CFAP299: variants seen among roughly 807,000 people sequenced by gnomAD.
The protein encoded by CFAP299 is cilia- and flagella-associated protein 299.
In CFAP299, 21 loss-of-function variants were observed where a neutral mutation model predicts 27.0. That is an observed-to-expected ratio of 0.78 (90% CI 0.55 to 1.12). CFAP299 has a LOEUF of 1.12. Among genes scored for constraint, CFAP299 ranks in the 50% most tolerant of loss-of-function variants. The pLI is 0.00. For synonymous variants in CFAP299, 104 were observed against 98.1 expected (o/e 1.06, Z -0.36); for missense variants, 310 against 276.6 (o/e 1.12, Z -0.86).
intron 3 of CFAP299, among the ~76,000 whole-genome samples, chr4:80,868,372 T>C: frequency 6.6e-6 from 1 of 152,196 alleles, no homozygotes; most frequent in East Asian, 1.9e-4. Context: ...CTGAAGATGT[T>C]TATATTTTGC....
At chr4:80,487,846 A>G (rs1178068176) in intron 2 of CFAP299, among the ~76,000 whole-genome samples, 1 of 152,214 alleles carries the variant, frequency 6.6e-6, no homozygotes, top group Non-Finnish European at 1.5e-5. Context: ...TCATGATTCA[A>G]TACTTCTCTC....
chr4:80,911,147 T>C lies in CFAP299; in HGVS notation c.477-33663T>C, dbSNP rs56321150. On this transcript the variant is annotated intron_variant, in intron 4 of 5. Coordinates refer to ENST00000358105, the MANE Select transcript of CFAP299 (RefSeq NM_152770.3). ...AATAAAATAAAACATAAGTTGTTTGTTCCTTTCTATGTTCCTATGTCCCTG... is the reference window on the plus strand; with the variant it reads ...AATAAAATAAAACATAAGTTGTTTGCTCCTTTCTATGTTCCTATGTCCCTG... 3.6e-3 allele frequency among the ~76,000 whole-genome samples: 543 copies of C among 151,862 alleles called. 2 individuals carry two copies. Among genetic ancestry groups the C allele is most frequent in the African/African-American group, 0.012 (509 of 41,524 alleles).
At chr4:80,954,718 G>A (rs1465450018) in intron 5 of CFAP299, among the ~76,000 whole-genome samples, 1 of 151,942 alleles carries the variant, frequency 6.6e-6, no homozygotes, top group Admixed American at 6.6e-5. Context: ...GTTAAGTTTT[G>A]GCTGGGCATG....
intron 3 of CFAP299, among the ~76,000 whole-genome samples, chr4:80,732,485 C>T (rs960009552): frequency 6.6e-6 from 1 of 152,130 alleles, no homozygotes; most frequent in Non-Finnish European, 1.5e-5. Context: ...AAAACAGCAA[C>T]TGGAGAGAAA....
At chr4:80,638,872 A>G (rs1183128241) in intron 3 of CFAP299, among the ~76,000 whole-genome samples, 1 of 152,148 alleles carries the variant, frequency 6.6e-6, no homozygotes, top group Non-Finnish European at 1.5e-5. Context: ...AACAACAGAA[A>G]TTTATTTTCT....
intron 2 of CFAP299, among the ~76,000 whole-genome samples, chr4:80,533,831 T>C (rs1403675492): frequency 6.6e-6 from 1 of 152,088 alleles, no homozygotes; most frequent in African/African-American, 2.4e-5. Context: ...TATAGTTACA[T>C]AGTAAGCTGT....
rs1432942561 is a variant in CFAP299, at chr4:80,638,464, AG to A, written c.333+55282del. Among the ~76,000 whole-genome samples, 196 of 152,310 alleles carry A rather than the reference AG, an allele frequency of 1.3e-3. 3 individuals are homozygous for A. The highest frequency in any genetic ancestry group is 1.2e-4 in the Non-Finnish European group (8 of 68,014). On this transcript the variant is annotated intron_variant, in intron 3 of 5. Transcript: ENST00000358105. ...TGCAAGGTTGACATGAAAAATACAC[AG>A]AAGTAACATAGCCTTATTTCAAAGA...
chr4:80,725,402 A>G (rs995459608), intron 3 of CFAP299, among the ~76,000 whole-genome samples: 7 of 151,646 alleles, frequency 4.6e-5, no homozygotes, highest in Admixed American at 4.6e-4. Flanking sequence ...TGACTTTTTT[A>G]TCATCTTTGT....
chr4:80,422,919 C>G (rs551269555), intron 2 of CFAP299, among the ~76,000 whole-genome samples: 1 of 152,314 alleles, frequency 6.6e-6, no homozygotes, highest in South Asian at 2.1e-4. Context: ...GCATGGAGTA[C>G]TAGGCACACC....
chr4:80,591,369 C>T (rs1055855924), intron 3 of CFAP299, among the ~76,000 whole-genome samples: 3 of 151,644 alleles, frequency 2.0e-5, no homozygotes, highest in Non-Finnish European at 4.4e-5. Flanking sequence ...GTGATCCGCC[C>T]GCCTCGGCCT....
At chr4:80,671,235 A>G (rs1016284337) in intron 3 of CFAP299, among the ~76,000 whole-genome samples, 3 of 152,150 alleles carry the variant, frequency 2.0e-5, no homozygotes, top group African/African-American at 7.2e-5. Flanking sequence ...AGCACCATTT[A>G]TTAAATAGGG....
chr4:80,673,795 G>A lies in CFAP299; in HGVS notation c.333+90612G>A, dbSNP rs146162990. ...TGGCCTTCTGTCTCTTTTGATCTTT[G>A]TTGGTTTAAAGTATGTTTTATCAGA... On this transcript the variant is annotated intron_variant, in intron 3 of 5. Transcript: ENST00000358105. Among the ~76,000 whole-genome samples, 1,207 of 146,380 alleles carry A rather than the reference G, an allele frequency of 8.2e-3. 20 individuals are homozygous for A. Among genetic ancestry groups the A allele is most frequent in the African/African-American group, 0.029 (1,151 of 39,750 alleles).
At chr4:80,388,807 G>T in intron 2 of CFAP299, 2 of 410,018 alleles carry the variant, frequency 4.9e-6, no homozygotes, top group East Asian at 4.1e-5. Flanking sequence ...AAACAATGAT[G>T]TTTCTATTTC....
chr4:80,659,270 C>G (rs1376851692), intron 3 of CFAP299, among the ~76,000 whole-genome samples: 1 of 151,594 alleles, frequency 6.6e-6, no homozygotes, highest in Non-Finnish European at 1.5e-5. Context: ...AAAGTGCAAA[C>G]TGCAGAGGTA....
intron 3 of CFAP299, among the ~76,000 whole-genome samples, chr4:80,786,025 T>A (rs1727226752): frequency 6.6e-6 from 1 of 152,180 alleles, no homozygotes; most frequent in African/African-American, 2.4e-5. Context: ...TTTCTTTTAA[T>A]GTTCAAAAGG....
chr4:80,909,187 T>TC (rs940784157), intron 4 of CFAP299, among the ~76,000 whole-genome samples: 4 of 152,084 alleles, frequency 2.6e-5, no homozygotes, highest in Non-Finnish European at 5.9e-5. Context: ...CTTTTTTTTT[T>TC]CTACTACTTA....
chr4:80,960,245 G>C lies in CFAP299; in HGVS notation c.607-3272G>C, dbSNP rs375871573. Among the ~76,000 whole-genome samples, 8 of 151,680 alleles carry C rather than the reference G, an allele frequency of 5.3e-5. No homozygotes were observed. In the East Asian group the frequency reaches 5.8e-4, roughly 11 times the overall value. Reference sequence around the variant, plus strand: ...TTCAGACTCAGGTATTATGAATTAAGGCAGGTAAAATATATTTCCAAAATT... The same window carrying C: ...TTCAGACTCAGGTATTATGAATTAACGCAGGTAAAATATATTTCCAAAATT... On this transcript the variant is annotated intron_variant, in intron 5 of 5. Transcript: ENST00000358105.
chr4:80,643,057 G>C (rs1164197887), intron 3 of CFAP299, among the ~76,000 whole-genome samples: 12 of 152,110 alleles, frequency 7.9e-5, no homozygotes, highest in Non-Finnish European at 1.5e-5. Context: ...AGCACTTTGG[G>C]AGGCCGAGAA....
intron 3 of CFAP299, among the ~76,000 whole-genome samples, chr4:80,729,873 G>A (rs1454226111): frequency 3.9e-5 from 6 of 151,950 alleles, no homozygotes; most frequent in Non-Finnish European, 8.8e-5. Flanking sequence ...AAAGTGCTGG[G>A]ATTACAGGCA....
Sources: allele counts gnomAD v4.1 joint callset (sites outside exome capture counted in the v4.1 genomes callset), GRCh38; gene constraint gnomAD v4.1.1; transcripts MANE v1.5; gene names NCBI Gene and HGNC (gene_info 2026-07-23, HGNC 2026-07-21).